Variants in SGIP1 observed in about 807,000 individuals in gnomAD.
SGIP1 encodes SH3GL interacting endocytic adaptor 1.
A neutral mutation model predicts 107.5 loss-of-function variants in SGIP1; 38 were observed. That is an observed-to-expected ratio of 0.35 (90% confidence interval 0.27 to 0.46). The LOEUF is 0.46. SGIP1 is among the 20% of genes least tolerant of loss of function. SGIP1 has a pLI of 1.00. For synonymous variants in SGIP1, 365 were observed against 366.1 expected (o/e 1.00, Z 0.03); for missense variants, 929 against 1,019.5 (o/e 0.91, Z 1.21).
At chr1:66,583,732 C>T (rs7520353) in intron 1 of SGIP1, among the ~76,000 whole-genome samples, 28,685 of 151,966 alleles carry the variant, frequency 0.19, 3,209 homozygotes, top group African/African-American at 0.31. Flanking sequence ...TTAGTCACTT[C>T]GTATTGCATT....
chr1:66,590,291 C>A (rs2148870633), intron 1 of SGIP1, among the ~76,000 whole-genome samples: 1 of 152,214 alleles, frequency 6.6e-6, no homozygotes, highest in East Asian at 1.9e-4. Context: ...TTTTCTTGTG[C>A]ATTCCTAGGA....
intron 18 of SGIP1, among the ~76,000 whole-genome samples, chr1:66,708,462 T>C (rs2092680744): frequency 6.6e-6 from 1 of 152,218 alleles, no homozygotes; most frequent in African/African-American, 2.4e-5. Context: ...GTTTTTAGAC[T>C]GAGGAAATCA....
At chr1:66,623,694 G>A (rs1570766965) in intron 1 of SGIP1, among the ~76,000 whole-genome samples, 1 of 152,178 alleles carries the variant, frequency 6.6e-6, no homozygotes. Context: ...TAAAGCTACA[G>A]ATATAGGCAT....
intron 18 of SGIP1, among the ~76,000 whole-genome samples, chr1:66,712,975 G>A (rs2093013794): frequency 6.6e-6 from 1 of 152,122 alleles, no homozygotes; most frequent in Admixed American, 6.5e-5. Context: ...CAGACTAATG[G>A]CAGCAACTCA....
intron 18 of SGIP1, among the ~76,000 whole-genome samples, chr1:66,711,621 A>G (rs1325173697): frequency 2.0e-5 from 3 of 152,194 alleles, no homozygotes; most frequent in African/African-American, 7.2e-5. Context: ...AGACTTTCTG[A>G]TGTCTCCATC....
intron 15 of SGIP1, among the ~76,000 whole-genome samples, chr1:66,685,562 C>T (rs947070890): frequency 6.6e-6 from 1 of 152,138 alleles, no homozygotes; most frequent in African/African-American, 2.4e-5. Context: ...GCAACATTTT[C>T]CAACTTGGGA....
At chr1:66,728,707 G>A (rs1165993971) in intron 19 of SGIP1, among the ~76,000 whole-genome samples, 1 of 151,952 alleles carries the variant, frequency 6.6e-6, no homozygotes, top group African/African-American at 2.4e-5. Context: ...CAACCTAAAC[G>A]GCCATCAATG....
chr1:66,540,978 C>T (rs895232752), intron 1 of SGIP1, among the ~76,000 whole-genome samples: 7 of 152,228 alleles, frequency 4.6e-5, no homozygotes, highest in African/African-American at 1.7e-4. Flanking sequence ...ATTCTAATGA[C>T]TGACTCCTTT....
At chr1:66,546,553 G>A (rs994396) in intron 1 of SGIP1, among the ~76,000 whole-genome samples, 113,972 of 152,082 alleles carry the variant, frequency 0.75, 43,876 homozygotes, top group East Asian at 1. Context: ...TTCCTCTGTC[G>A]TCAAATATTT....
At chr1:66,575,328 CA>C (rs1452644799) in intron 1 of SGIP1, among the ~76,000 whole-genome samples, 32 of 152,166 alleles carry the variant, frequency 2.1e-4, no homozygotes, top group African/African-American at 7.2e-4. Context: ...TGTGCATCTA[CA>C]AGACCCCATT....
At chr1:66,633,447 C>A (rs1300194833) in intron 3 of SGIP1, among the ~76,000 whole-genome samples, 1 of 152,114 alleles carries the variant, frequency 6.6e-6, no homozygotes. Flanking sequence ...CCAACAGAGG[C>A]CACAAAGTTG....
chr1:66,626,143 T>A, intron 2 of SGIP1: 1 of 191,248 alleles, frequency 5.2e-6, no homozygotes, highest in Non-Finnish European at 9.2e-6. Context: ...CTTTCTTTTT[T>A]TTTTTTTTTT....
chr1:66,633,169 T>G, intron 3 of SGIP1, 75 bp downstream of exon 3: 1 of 1,019,796 alleles, frequency 9.8e-7, no homozygotes, highest in Non-Finnish European at 1.5e-6. Flanking sequence ...CAAAGCCCTT[T>G]TTTTTTCCTG....
chr1:66,534,314 GT>G lies in SGIP1; in HGVS notation c.-39del. 1 of 1,612,530 alleles carries G rather than the reference GT, an allele frequency of 6.2e-7. No homozygotes were observed. The highest frequency in any genetic ancestry group is 1.1e-5 in the South Asian group (1 of 91,048). On this transcript the variant is annotated 5_prime_UTR_variant, in exon 1 of 25. Transcript: ENST00000371037. ...GGGACCTGGAATCGTATCCTCCTGT[GT>G]TTTTTCAGACTCCTTGGAAATTAAG...
At chr1:66,578,261 C>T (rs2061349965) in intron 1 of SGIP1, among the ~76,000 whole-genome samples, 1 of 141,692 alleles carries the variant, frequency 7.1e-6, no homozygotes, top group Admixed American at 7.0e-5. Flanking sequence ...CAGGTATCTG[C>T]AGGAACTGGA....
At chr1:66,644,423 G>T (rs2077304154) in intron 7 of SGIP1, among the ~76,000 whole-genome samples, 1 of 151,294 alleles carries the variant, frequency 6.6e-6, no homozygotes, top group Non-Finnish European at 1.5e-5. Context: ...TTCTTTAATT[G>T]CTGAATTCTG....
In SGIP1 at chr1:66,721,862, T is replaced by A. The variant is rs146981016; in HGVS notation, c.1742+2457T>A. On this transcript the variant is annotated intron_variant, in intron 19 of 24. Coordinates refer to ENST00000371037, the MANE Select transcript of SGIP1 (RefSeq NM_032291.4). The stretch of plus-strand genomic sequence containing the variant: ...ACTAATTTATTCAGAGAGATCTAAT[T>A]GGTCTCCCTTCTTCCGCTTTTGCAC... 1.7e-4 allele frequency among the ~76,000 whole-genome samples: 26 copies of A among 152,332 alleles called. No individual in the cohort carries two copies. The East Asian group carries it at 4.2e-3, about 25-fold the overall frequency.
At chr1:66,643,027 G>A (rs2077051597) in intron 6 of SGIP1, among the ~76,000 whole-genome samples, 163 bp downstream of exon 6, 1 of 148,942 alleles carries the variant, frequency 6.7e-6, no homozygotes, top group Admixed American at 6.7e-5. Flanking sequence ...CTGAGCTCTA[G>A]CAAGCAGGCA....
chr1:66,682,359 G>A lies in SGIP1; in HGVS notation c.1305G>A (p.Gly435=), dbSNP rs1429798284. 8.7e-6 allele frequency: 14 copies of A among 1,610,652 alleles called. No homozygotes were observed. Among genetic ancestry groups the A allele is most frequent in the Non-Finnish European group, 1.2e-5 (14 of 1,179,032 alleles). Residue 435 remains glycine (G), a synonymous_variant, in exon 15 of 25, where the codon GGG becomes GGA. Transcript: ENST00000371037. The stretch of plus-strand genomic sequence containing the variant: ...GACCTGGCTCGGGCCCTGGTCCGGG[G>A]ACCACCAGTGGTATGTCTTATGCTT... ...SPGPGSGPGP[G]TTSGASSPAR...
Sources: gnomAD v4.1 joint callset for allele counts (sites outside exome capture counted in the v4.1 genomes callset) on GRCh38, gnomAD v4.1.1 for gene constraint, MANE v1.5 for transcripts, NCBI Gene and HGNC (gene_info 2026-07-23, HGNC 2026-07-21) for gene names.